SCEL: variants seen among roughly 807,000 people sequenced by gnomAD.
SCEL encodes sciellin.
A neutral mutation model predicts 117.6 loss-of-function variants in SCEL; 113 were observed. The ratio of observed to expected loss-of-function variants is 0.96; its 90% CI spans 0.83 to 1.12. SCEL has a LOEUF of 1.12. SCEL is among the 50% of genes most tolerant of loss of function. The probability of loss-of-function intolerance (pLI) is 0.00; values close to 1 mark genes in which losing one functional copy is unlikely to be tolerated. For synonymous variants in SCEL, 270 were observed against 256.2 expected (o/e 1.05, Z -0.51); for missense variants, 785 against 810.8 (o/e 0.97, Z 0.39).
Position 77,593,558 on chromosome 13 carries a change from A to C in SCEL, c.737A>C (p.Gln246Pro). 6.2e-7 allele frequency: 1 copy of C among 1,612,786 alleles called. No homozygotes were observed. Among genetic ancestry groups the C allele is most frequent in the Non-Finnish European group, 8.5e-7 (1 of 1,179,036 alleles). ...ATCGTCAAAGTGGCCACTTCACTTC[A>C]GAGAAGTGACAAAGGGTGAGATCTC... ...DNIVKVATSL[Q>P]RSDKGEELDN... Residue 246 changes from glutamine (Q) to proline (P), a missense_variant, in exon 12 of 33, where the codon CAG becomes CCG. By Grantham distance (76) the Gln-to-Pro change is moderately conservative. Transcript: ENST00000349847.
intron 24 of SCEL, among the ~76,000 whole-genome samples, chr13:77,616,873 C>T (rs1320720824): frequency 6.6e-6 from 1 of 151,640 alleles, no homozygotes; most frequent in African/African-American, 2.4e-5. Context: ...GTTCTGCAGT[C>T]TCTTGCCATG....
Position 77,572,124 on chromosome 13 carries a change from G to T in SCEL, c.480G>T (p.Arg160Ser), listed in dbSNP as rs1164617687. 6.2e-7 allele frequency: 1 copy of T among 1,611,944 alleles called. No individual in the cohort carries two copies. Among genetic ancestry groups the T allele is most frequent in the East Asian group, 2.2e-5 (1 of 44,782 alleles). ...TSATTPVKKK[R>S]QSWFPPPPPG... ...TTATTACCGTGTCATTTCTTAACAG[G>T]CAGTCCTGGTTTCCACCGCCCCCTC... Residue 160 changes from arginine (R) to serine (S), a missense_variant and splice_region_variant, in exon 9 of 33, where the codon AGG becomes AGT. Physicochemically the swap from Arg to Ser is moderately radical, Grantham distance 110. Transcript: ENST00000349847.
At chr13:77,637,309 CATAT>C (rs766658495) in intron 30 of SCEL, 115 bp downstream of exon 30, 1 of 94,474 alleles carries the variant, frequency 1.1e-5, no homozygotes, top group Non-Finnish European at 2.0e-5. Context: ...AATATATATA[CATAT>C]ATATAAATAT....
rs149095498 is a variant in SCEL at position 77,613,452 on chromosome 13, A to G, written c.1389-441A>G. ...ACAAAAGTTAATAAAAGCATGGCAG[A>G]GAAACCCCAAGCTATCACTCATTGA... On this transcript the variant is annotated intron_variant, in intron 23 of 32. Transcript: ENST00000349847. Among the ~76,000 whole-genome samples the G allele has an allele frequency of 2.5e-3, 377 of 152,354 alleles. 2 individuals carry two copies. Among genetic ancestry groups the G allele is most frequent in the African/African-American group, 8.3e-3 (346 of 41,588 alleles).
chr13:77,562,208 T>A (rs1177141759), intron 4 of SCEL, among the ~76,000 whole-genome samples: 1 of 152,094 alleles, frequency 6.6e-6, no homozygotes, highest in Non-Finnish European at 1.5e-5. Flanking sequence ...AAATAACATG[T>A]TGAAACATGT....
intron 31 of SCEL, among the ~76,000 whole-genome samples, chr13:77,642,464 A>G (rs1278031258): frequency 6.6e-6 from 1 of 152,224 alleles, no homozygotes; most frequent in African/African-American, 2.4e-5. Flanking sequence ...CCCTTAAGTT[A>G]GCAAACAATA....
chr13:77,559,983 G>C, intron 4 of SCEL, 120 bp downstream of exon 4: 1 of 819,600 alleles, frequency 1.2e-6, no homozygotes, highest in South Asian at 1.6e-5. Flanking sequence ...GATGTTCTGG[G>C]CATGTGAAGG....
At chr13:77,552,754 C>T (rs1468851902) in intron 1 of SCEL, among the ~76,000 whole-genome samples, 1 of 152,194 alleles carries the variant, frequency 6.6e-6, no homozygotes, top group Non-Finnish European at 1.5e-5. Context: ...GTGTTTTAGA[C>T]ATGAAGTCCT....
At chr13:77,556,555 A>T in intron 2 of SCEL, 41 bp from the exon 3 acceptor site, 1 of 1,543,732 alleles carries the variant, frequency 6.5e-7, no homozygotes, top group South Asian at 1.1e-5. Flanking sequence ...GCTCAACTCC[A>T]CACTATTACA....
intron 9 of SCEL, among the ~76,000 whole-genome samples, chr13:77,575,456 G>A (rs2085886547): frequency 6.6e-6 from 1 of 152,124 alleles, no homozygotes; most frequent in East Asian, 1.9e-4. Flanking sequence ...AGAAAATAGA[G>A]TTTTTTAAAA....
At chr13:77,627,434 G>A (rs762766755) in intron 27 of SCEL, among the ~76,000 whole-genome samples, 5 of 152,128 alleles carry the variant, frequency 3.3e-5, no homozygotes, top group Non-Finnish European at 7.4e-5. Context: ...ATAAGACCTA[G>A]TATTAGATCA....
chr13:77,541,913 G>T (rs188478786), intron 1 of SCEL, among the ~76,000 whole-genome samples: 104 of 152,322 alleles, frequency 6.8e-4, no homozygotes, highest in Non-Finnish European at 1.1e-3. Flanking sequence ...ATAGTCTGTG[G>T]TCAAAATTTG....
rs920197318 is a variant in SCEL at position 77,567,914 on chromosome 13, G to T, written c.359+166G>T. ...AATAAAACCTTGTTGTTTAGCTTAA[G>T]AATCAAGAGCACTTGTAGCTCCAAA... is the stretch of plus-strand genomic sequence containing the variant. On this transcript the variant is annotated intron_variant, in intron 6 of 32. Coordinates refer to ENST00000349847, the MANE Select transcript of SCEL (RefSeq NM_144777.3). Among the ~76,000 whole-genome samples the T allele has an allele frequency of 2.1e-4, 32 of 152,166 alleles. 1 individual carries two copies. The highest frequency in any genetic ancestry group is 8.5e-4 in the Admixed American group (13 of 15,278).
intron 9 of SCEL, among the ~76,000 whole-genome samples, chr13:77,585,962 G>A (rs1048500284): frequency 1.2e-4 from 18 of 152,092 alleles, no homozygotes; most frequent in African/African-American, 4.3e-4. Context: ...CCGGATGAAG[G>A]TAGGGGTCTT....
At chr13:77,631,730 T>G (rs554960798) in intron 28 of SCEL, among the ~76,000 whole-genome samples, 1 of 152,354 alleles carries the variant, frequency 6.6e-6, no homozygotes, top group South Asian at 2.1e-4. Flanking sequence ...AACCTAGCAT[T>G]TGGTTTTTGT....
At chr13:77,595,264 T>C (rs1295457459) in intron 12 of SCEL, among the ~76,000 whole-genome samples, 1 of 152,182 alleles carries the variant, frequency 6.6e-6, no homozygotes, top group Non-Finnish European at 1.5e-5. Flanking sequence ...AAAATGTTCA[T>C]GGTAGTCATC....
chr13:77,603,702 A>T (rs1210422158), intron 18 of SCEL, among the ~76,000 whole-genome samples: 1 of 152,138 alleles, frequency 6.6e-6, no homozygotes, highest in Non-Finnish European at 1.5e-5. Flanking sequence ...AAGTATTTTA[A>T]TGGGGTGGCC....
At chr13:77,608,997 A>T in intron 20 of SCEL, 61 bp from the exon 21 acceptor site, 1 of 1,336,994 alleles carries the variant, frequency 7.5e-7, no homozygotes, top group Non-Finnish European at 1.0e-6. Context: ...CTTTAAATCA[A>T]AACAGTCAAT....
intron 12 of SCEL, among the ~76,000 whole-genome samples, chr13:77,594,856 A>G (rs2154400625): frequency 6.6e-6 from 1 of 152,358 alleles, no homozygotes; most frequent in East Asian, 1.9e-4. Context: ...AATTGAAGAG[A>G]AGAAAATGTG....
Sources: gnomAD v4.1 joint callset for allele counts (sites outside exome capture counted in the v4.1 genomes callset) on GRCh38, gnomAD v4.1.1 for gene constraint, MANE v1.5 for transcripts, NCBI Gene and HGNC (gene_info 2026-07-23, HGNC 2026-07-21) for gene names.